Variants in OR2A5 observed in about 807,000 individuals in gnomAD.
The protein encoded by OR2A5 is olfactory receptor family 2 subfamily A member 5.
Under a neutral mutation model 1.9 loss-of-function variants are expected in OR2A5, and 2 were observed. That is an observed-to-expected ratio of 1.04 (90% CI 0.43 to 3.28). OR2A5 has a LOEUF of 3.28. Among genes scored for constraint, OR2A5 ranks in the 30% most tolerant of loss-of-function variants. The pLI, the probability that OR2A5 is intolerant of heterozygous loss-of-function variation, is 0.08. For missense variants in OR2A5, 391 were observed against 375.9 expected (o/e 1.04, Z -0.33); for synonymous variants, 160 against 154.5 (o/e 1.04, Z -0.26).
Position 144,056,065 on chromosome 7 carries a change from G to T in OR2A5, c.*4728G>T, listed in dbSNP as rs1398830744. On this transcript the variant is annotated 3_prime_UTR_variant, in exon 2 of 2. Transcript: ENST00000641693. ...ATGTGTGAGTGATGCAGAAGCCACG[G>T]GTTAGCCGACTGTTTGTAAGCTGGC... 6.6e-6 allele frequency: 1 copy of T among 152,210 alleles called. No individual in the cohort carries two copies. The highest frequency in any genetic ancestry group is 1.5e-5 in the Non-Finnish European group (1 of 68,060). 9.4% of individuals were successfully genotyped at this position (152,210 alleles called of 1,614,324 possible).
Position 144,050,626 on chromosome 7 carries a change from C to A in OR2A5, c.225C>A (p.Asn75Lys), listed in dbSNP as rs190164595. 1.2e-6 allele frequency: 2 copies of A among 1,613,342 alleles called. No individual in the cohort carries two copies. The highest frequency in any genetic ancestry group is 4.5e-5 in the East Asian group (2 of 44,880). Residue 75 changes from asparagine to lysine, a missense_variant, in exon 2 of 2, where the codon AAC (asparagine) becomes AAA (lysine). Asn to Lys is a moderately conservative substitution (Grantham distance 94). Transcript: ENST00000641693. ...LAIIDISYAS[N>K]NVPKMLTNLG... ...TCATTGATATTTCGTATGCTTCCAACAATGTCCCCAAGATGCTGACAAACC... is the reference window on the plus strand; with the variant it reads ...TCATTGATATTTCGTATGCTTCCAAAAATGTCCCCAAGATGCTGACAAACC...
chr7:144,051,195 G>A lies in OR2A5; in HGVS notation c.794G>A (p.Arg265His). The A allele has an allele frequency of 1.9e-6, 3 of 1,614,154 alleles. No individual in the cohort carries two copies. Among genetic ancestry groups the A allele is most frequent in the South Asian group, 2.2e-5 (2 of 91,082 alleles). The change falls in exon 2 of 2, where the codon CGC becomes CAC. Residue 265 changes from arginine to histidine, a missense_variant. Coordinates refer to ENST00000641693, the MANE Select transcript of OR2A5 (RefSeq NM_012365.2). Reference protein sequence around the residue: ...AIVMYMAPKSRHPEEQQKVLS... With the variant: ...AIVMYMAPKSHHPEEQQKVLS... ...GTCATGTACATGGCCCCCAAGTCCCGCCACCCTGAGGAGCAGCAGAAGGTC... is the reference window on the plus strand; with the variant it reads ...GTCATGTACATGGCCCCCAAGTCCCACCACCCTGAGGAGCAGCAGAAGGTC...
Position 144,050,352 on chromosome 7 carries a change from A to C in OR2A5, c.-50A>C. ...TCCGGATCTGCATTTGCTCCTCAGC[A>C]CATAGCTCATTGCCACAGCAGAGTC... On this transcript the variant is annotated splice_region_variant and 5_prime_UTR_variant, in exon 2 of 2. Coordinates refer to ENST00000641693, the MANE Select transcript of OR2A5 (RefSeq NM_012365.2). The C allele has an allele frequency of 8.1e-7, 1 of 1,235,512 alleles. No individual in the cohort carries two copies. The highest frequency in any genetic ancestry group is 2.3e-5 in the Admixed American group (1 of 43,784). The allele number at this position is 1,235,512 out of a possible 1,614,324, so 76.5% of individuals were successfully genotyped here.
Position 144,051,346 on chromosome 7 carries a change from A to T in OR2A5, c.*9A>T. On this transcript the variant is annotated 3_prime_UTR_variant, in exon 2 of 2. Transcript: ENST00000641693. ...AACAGAGATCAAAGTGAGGGATGCC[A>T]GGGAAAGTCTAGAGGGTTGAAGATT... 1 of 1,589,930 alleles carries T rather than the reference A, an allele frequency of 6.3e-7. No individual in the cohort carries two copies. Among genetic ancestry groups the T allele is most frequent in the Non-Finnish European group, 8.6e-7 (1 of 1,167,130 alleles).
Position 144,052,789 on chromosome 7 carries a change from A to G in OR2A5, c.*1452A>G, listed in dbSNP as rs1418366993. The G allele has an allele frequency of 6.6e-6, 1 of 152,144 alleles. No individual in the cohort carries two copies. Among genetic ancestry groups the G allele is most frequent in the Non-Finnish European group, 1.5e-5 (1 of 68,040 alleles). The allele number at this position is 152,144 out of a possible 1,614,324, so 9.4% of individuals were successfully genotyped here. On this transcript the variant is annotated 3_prime_UTR_variant, in exon 2 of 2. Transcript: ENST00000641693. ...AAACCTTGCTCTGCCCCTCCCAAAG[A>G]GAGCAATTTGAATTTAAAAAAAAAT... is the stretch of plus-strand genomic sequence containing the variant.
intron 1 of OR2A5, 56 bp from the exon 2 acceptor site, chr7:144,050,295 C>T (rs1312827959): frequency 1.4e-6 from 1 of 736,344 alleles, no homozygotes; most frequent in East Asian, 2.5e-5. Flanking sequence ...CCTGTGTGCA[C>T]CATAAACCCC....
rs773015295 is a variant in OR2A5 at position 144,055,825 on chromosome 7, A to C, written c.*4488A>C. On this transcript the variant is annotated 3_prime_UTR_variant, in exon 2 of 2. Transcript: ENST00000641693. ...GGTGGGAGGATCGCTTGAGCCCCGT[A>C]GTTTGAGGCTGCAGTGAGCTATGAC... The C allele has an allele frequency of 2.0e-5, 3 of 152,284 alleles. No individual in the cohort carries two copies. The highest frequency in any genetic ancestry group is 4.4e-5 in the Non-Finnish European group (3 of 68,096). The allele number at this position is 152,284 out of a possible 1,614,324, so 9.4% of individuals were successfully genotyped here.
rs1344317129 is a variant in OR2A5, at chr7:144,056,203, G to T, written c.*4866G>T. 6.6e-6 allele frequency: 1 copy of T among 152,248 alleles called. No homozygotes were observed. Among genetic ancestry groups the T allele is most frequent in the African/African-American group, 2.4e-5 (1 of 41,436 alleles). 9.4% of individuals were successfully genotyped at this position (152,248 alleles called of 1,614,324 possible). On this transcript the variant is annotated 3_prime_UTR_variant, in exon 2 of 2. Transcript: ENST00000641693. ...GAAAATAAGGTATGGAGGAGGGTGG[G>T]AGGGACTGACTTCCTTTGCTTACTA...
rs1418305942 is a variant in OR2A5, at chr7:144,056,732, A to G, written c.*5395A>G. ...GATTAAGACGGAAAATAATTAGAAA[A>G]TAACAGATGGATCCCAAAAGATAAC... is the stretch of plus-strand genomic sequence containing the variant. On this transcript the variant is annotated 3_prime_UTR_variant, in exon 2 of 2. Coordinates refer to ENST00000641693, the MANE Select transcript of OR2A5 (RefSeq NM_012365.2). 6.6e-6 allele frequency: 1 copy of G among 152,212 alleles called. No homozygotes were observed. The highest frequency in any genetic ancestry group is 1.5e-5 in the Non-Finnish European group (1 of 68,034). 9.4% of individuals were successfully genotyped at this position (152,212 alleles called of 1,614,324 possible). A position where few individuals can be genotyped will look rare whatever the true frequency, so the allele number is the denominator to read the frequency against.
Position 144,051,400 on chromosome 7 carries a change from G to C in OR2A5, c.*63G>C, listed in dbSNP as rs1280985920. The stretch of plus-strand genomic sequence containing the variant: ...TCCCAATGAGATTTGTAGGAACAGT[G>C]GTGTAAATGCCTTACAGTCTCATCT... On this transcript the variant is annotated 3_prime_UTR_variant, in exon 2 of 2. Coordinates refer to ENST00000641693, the MANE Select transcript of OR2A5 (RefSeq NM_012365.2). 1.6e-6 allele frequency: 2 copies of C among 1,259,010 alleles called. No homozygotes were observed. Among genetic ancestry groups the C allele is most frequent in the African/African-American group, 3.0e-5 (2 of 66,658 alleles). 78.0% of individuals were successfully genotyped at this position (1,259,010 alleles called of 1,614,324 possible). A position where few individuals can be genotyped will look rare whatever the true frequency, so the allele number is the denominator to read the frequency against.
At position 144,056,503 on chromosome 7, in the gene OR2A5, A is replaced by G. The variant is rs1002348287; in HGVS notation, c.*5166A>G. The G allele has an allele frequency of 1.3e-5, 2 of 152,200 alleles. No individual in the cohort carries two copies. Among genetic ancestry groups the G allele is most frequent in the African/African-American group, 2.4e-5 (1 of 41,450 alleles). The allele number at this position is 152,200 out of a possible 1,614,324, so 9.4% of individuals were successfully genotyped here. Reference sequence around the variant, plus strand: ...GGAGGGAGAGAGACAGACAGAGAGAAATGGAGAGAGAACTGGGTTTTTAAA... The same window carrying G: ...GGAGGGAGAGAGACAGACAGAGAGAGATGGAGAGAGAACTGGGTTTTTAAA... On this transcript the variant is annotated 3_prime_UTR_variant, in exon 2 of 2. Transcript: ENST00000641693.
chr7:144,051,687 C>A lies in OR2A5; in HGVS notation c.*350C>A, dbSNP rs2050908371. Reference sequence around the variant, plus strand: ...TTTGCCATAAGTATATGCTGGTAATCCCATACCATATGCTACTATAAGAGA... The same window carrying A: ...TTTGCCATAAGTATATGCTGGTAATACCATACCATATGCTACTATAAGAGA... On this transcript the variant is annotated 3_prime_UTR_variant, in exon 2 of 2. Transcript: ENST00000641693. 4.2e-6 allele frequency: 1 copy of A among 239,762 alleles called. No individual in the cohort carries two copies. 14.9% of individuals were successfully genotyped at this position (239,762 alleles called of 1,614,324 possible). A position where few individuals can be genotyped will look rare whatever the true frequency, so the allele number is the denominator to read the frequency against.
chr7:144,049,508 CCAT>C (rs1480883649), intron 1 of OR2A5, among the ~76,000 whole-genome samples: 9 of 152,206 alleles, frequency 5.9e-5, no homozygotes, highest in African/African-American at 1.9e-4. Context: ...ATTCGTCCAT[CCAT>C]CCATCCATCC....
Position 144,051,427 on chromosome 7 carries a change from T to C in OR2A5, c.*90T>C, listed in dbSNP as rs1919969. The C allele has an allele frequency of 3.3e-3, 3,271 of 991,538 alleles. 74 individuals carry two copies. The African/African-American group carries it at 0.046, about 14-fold the overall frequency. 61.4% of individuals were successfully genotyped at this position (991,538 alleles called of 1,614,324 possible). On this transcript the variant is annotated 3_prime_UTR_variant, in exon 2 of 2. Transcript: ENST00000641693. ...TGTAAATGCCTTACAGTCTCATCTC[T>C]TAGATTTCTGATATCAAGAATGTAT...
chr7:144,050,308 C>A lies in OR2A5; in HGVS notation c.-51-43C>A, dbSNP rs1368772951. On this transcript the variant is annotated intron_variant, in intron 1 of 1. Coordinates refer to ENST00000641693, the MANE Select transcript of OR2A5 (RefSeq NM_012365.2). ...ACCCTGTGTGCACCATAAACCCCCTCCTTCTGTTAACTGACTAATCCGGAT... is the reference window on the plus strand; with the variant it reads ...ACCCTGTGTGCACCATAAACCCCCTACTTCTGTTAACTGACTAATCCGGAT... 3.2e-5 allele frequency: 26 copies of A among 818,900 alleles called. No individual in the cohort carries two copies. The Admixed American group carries it at 6.4e-4, about 20-fold the overall frequency. The allele number at this position is 818,900 out of a possible 1,614,324, so 50.7% of individuals were successfully genotyped here. A position where few individuals can be genotyped will look rare whatever the true frequency, so the allele number is the denominator to read the frequency against.
chr7:144,051,053 T>C lies in OR2A5; in HGVS notation c.652T>C (p.Tyr218His). Residue 218 changes from tyrosine to histidine, a missense_variant, in exon 2 of 2, where the codon TAC (tyrosine) becomes CAC (histidine). Coordinates refer to ENST00000641693, the MANE Select transcript of OR2A5 (RefSeq NM_012365.2). ...GCCGCTCTGCCTGGTGCTGGTCTCCTACTCGCGCATCCTGGCGGCCATCTT... is the reference window on the plus strand; with the variant it reads ...GCCGCTCTGCCTGGTGCTGGTCTCCCACTCGCGCATCCTGGCGGCCATCTT... ...VGPLCLVLVSYSRILAAILRI... is the reference protein window; with the variant it reads ...VGPLCLVLVSHSRILAAILRI... The C allele has an allele frequency of 3.1e-6, 5 of 1,614,222 alleles. No homozygotes were observed. Among genetic ancestry groups the C allele is most frequent in the Non-Finnish European group, 4.2e-6 (5 of 1,180,036 alleles).
chr7:144,052,943 C>T lies in OR2A5; in HGVS notation c.*1606C>T, dbSNP rs1276604821. ...TAACTATATCTGAAAAAAATTATTA[C>T]ATTCCCTAAAATATGTATACTTCAT... On this transcript the variant is annotated 3_prime_UTR_variant, in exon 2 of 2. Coordinates refer to ENST00000641693, the MANE Select transcript of OR2A5 (RefSeq NM_012365.2). 3.9e-5 allele frequency: 6 copies of T among 152,132 alleles called. No homozygotes were observed. The highest frequency in any genetic ancestry group is 3.3e-4 in the Admixed American group (5 of 15,260). The allele number at this position is 152,132 out of a possible 1,614,324, so 9.4% of individuals were successfully genotyped here.
chr7:144,049,423 T>G (rs1700475322), intron 1 of OR2A5, among the ~76,000 whole-genome samples: 1 of 152,134 alleles, frequency 6.6e-6, no homozygotes, highest in African/African-American at 2.4e-5. Context: ...GCAGAGAAAA[T>G]TTAAGAAGAG....
rs2050907863 is a variant in OR2A5, at chr7:144,051,611, G to A, written c.*274G>A. 2.6e-6 allele frequency: 1 copy of A among 383,432 alleles called. No individual in the cohort carries two copies. Among genetic ancestry groups the A allele is most frequent in the Non-Finnish European group, 4.7e-6 (1 of 214,698 alleles). 23.8% of individuals were successfully genotyped at this position (383,432 alleles called of 1,614,324 possible). The stretch of plus-strand genomic sequence containing the variant: ...AGGATCTGCTTTCTGTTCTTTTGAG[G>A]CTTAGTTCTCTCAAGCTTCCTCTTA... On this transcript the variant is annotated 3_prime_UTR_variant, in exon 2 of 2. Transcript: ENST00000641693.
Sources: allele counts gnomAD v4.1 joint callset (sites outside exome capture counted in the v4.1 genomes callset), GRCh38; gene constraint gnomAD v4.1.1; transcripts MANE v1.5; gene names NCBI Gene and HGNC (gene_info 2026-07-23, HGNC 2026-07-21).